The following STXBP5L variants were observed in gnomAD, a reference collection of about 807,000 sequenced individuals.
STXBP5L encodes syntaxin-binding protein 5-like.
STXBP5L carries 65 observed loss-of-function variants against 144.5 expected under a neutral mutation model. The observed-to-expected ratio is 0.45, with a 90% CI of 0.37 to 0.55. The LOEUF is 0.55. Ranked by LOEUF, STXBP5L falls within the 20% of genes least tolerant of loss-of-function variation. The pLI is 0.00. For synonymous variants in STXBP5L, 505 were observed against 469.6 expected (o/e 1.08, Z -0.97); for missense variants, 1,298 against 1,405.5 (o/e 0.92, Z 1.22).
chr3:121,174,009 G>T (rs989509465), intron 9 of STXBP5L, among the ~76,000 whole-genome samples: 6 of 152,116 alleles, frequency 3.9e-5, no homozygotes, highest in African/African-American at 1.4e-4. Context: ...ATATGCTGGA[G>T]AGATGAACTG....
intron 2 of STXBP5L, among the ~76,000 whole-genome samples, chr3:120,911,648 G>A (rs1708846970): frequency 6.6e-6 from 1 of 151,968 alleles, no homozygotes; most frequent in Non-Finnish European, 1.5e-5. Flanking sequence ...ATAGTAGAGC[G>A]AATATAACTA....
rs1275359959 is a variant in STXBP5L, at chr3:121,416,507, ATTAT to A, written c.3226+554_3226+557del. On this transcript the variant is annotated intron_variant, in intron 25 of 26. Coordinates refer to ENST00000471454, the MANE Select transcript of STXBP5L (RefSeq NM_001308330.2). ...TATTTATTTATTTATTTATTTATTT[ATTAT>A]TTATTTATTTATTTGAGACAGAGTC... Among the ~76,000 whole-genome samples, 41 of 129,148 alleles carry A rather than the reference ATTAT, an allele frequency of 3.2e-4. No individual in the cohort carries two copies. The South Asian group carries it at 8.6e-3, about 27-fold the overall frequency. 84.7% of individuals were successfully genotyped at this position (129,148 alleles called of 152,430 possible).
intron 20 of STXBP5L, among the ~76,000 whole-genome samples, chr3:121,347,206 G>A (rs1440807398): frequency 6.6e-6 from 1 of 152,130 alleles, no homozygotes; most frequent in Non-Finnish European, 1.5e-5. Context: ...TTATTAAATA[G>A]GGAATCGTTT....
rs527627011 is a variant in STXBP5L, at chr3:120,997,128, T to A, written c.287+42091T>A. ...CATGTTACTGCAAAGGAAATGATTT[T>A]TTTTATGGCTGCATAATTTTCCATG... is the stretch of plus-strand genomic sequence containing the variant. On this transcript the variant is annotated intron_variant, in intron 3 of 26. Transcript: ENST00000471454. 7.2e-5 allele frequency among the ~76,000 whole-genome samples: 11 copies of A among 152,094 alleles called. No individual in the cohort carries two copies. In the South Asian group the frequency reaches 2.3e-3, roughly 32 times the overall value.
chr3:121,067,229 C>T (rs936353566), intron 5 of STXBP5L, among the ~76,000 whole-genome samples: 2 of 151,788 alleles, frequency 1.3e-5, no homozygotes, highest in Admixed American at 6.6e-5. Context: ...GAGATGGAAC[C>T]TTACATAACT....
At chr3:121,140,024 T>C (rs1424343647) in intron 7 of STXBP5L, among the ~76,000 whole-genome samples, 3 of 152,104 alleles carry the variant, frequency 2.0e-5, no homozygotes, top group Admixed American at 6.6e-5. Context: ...AAGAATGACA[T>C]GAAACACTCA....
intron 20 of STXBP5L, among the ~76,000 whole-genome samples, chr3:121,322,985 G>C (rs1294109068): frequency 2.0e-5 from 3 of 152,042 alleles, no homozygotes; most frequent in Non-Finnish European, 1.5e-5. Context: ...TTGGCTGCTT[G>C]TGTCTTCTTT....
chr3:121,163,385 A>T (rs557381486), intron 9 of STXBP5L, among the ~76,000 whole-genome samples: 1 of 152,102 alleles, frequency 6.6e-6, no homozygotes, highest in Admixed American at 6.5e-5. Flanking sequence ...GAACACATGG[A>T]CACAGGGAAG....
chr3:121,254,012 A>G (rs920659913), intron 15 of STXBP5L, among the ~76,000 whole-genome samples: 1 of 151,884 alleles, frequency 6.6e-6, no homozygotes, highest in African/African-American at 2.4e-5. Flanking sequence ...TAGTCATTGT[A>G]TCTTCTGAGT....
At chr3:121,310,179 A>G (rs965226712) in intron 19 of STXBP5L, among the ~76,000 whole-genome samples, 2 of 152,256 alleles carry the variant, frequency 1.3e-5, no homozygotes, top group African/African-American at 4.8e-5. Context: ...TTAAAGTTCT[A>G]GAAGAAAACA....
chr3:121,360,102 T>C (rs1436574942), intron 20 of STXBP5L, among the ~76,000 whole-genome samples: 1 of 143,976 alleles, frequency 6.9e-6, no homozygotes. Flanking sequence ...ACATATGTAT[T>C]TTAAAATTGT....
At chr3:121,234,946 T>C (rs538104063) in intron 12 of STXBP5L, among the ~76,000 whole-genome samples, 1 of 152,094 alleles carries the variant, frequency 6.6e-6, no homozygotes, top group East Asian at 1.9e-4. Flanking sequence ...CTAACATCTT[T>C]GCAGGCCCAT....
In STXBP5L at chr3:121,115,077, T is replaced by C. The variant is rs752830219; in HGVS notation, c.605+18T>C. ...ATTGAACTGTAAGTTTGAACTTGGA[T>C]ATCACTTTATTGGCTTAAATACTTC... On this transcript the variant is annotated intron_variant, in intron 6 of 26. Transcript: ENST00000471454. 6.9e-6 allele frequency: 11 copies of C among 1,596,504 alleles called. No homozygotes were observed. The highest frequency in any genetic ancestry group is 1.3e-5 in the African/African-American group (1 of 74,184).
intron 19 of STXBP5L, among the ~76,000 whole-genome samples, chr3:121,301,751 A>G (rs1331652860): frequency 6.6e-6 from 1 of 152,174 alleles, no homozygotes; most frequent in Non-Finnish European, 1.5e-5. Context: ...AGTTTTTAGC[A>G]TGAAGCGTTG....
chr3:121,111,101 C>T (rs1292731176), intron 5 of STXBP5L, among the ~76,000 whole-genome samples: 2 of 152,128 alleles, frequency 1.3e-5, no homozygotes, highest in Admixed American at 6.6e-5. Context: ...CATTTATGTT[C>T]CTCTCTAAAC....
intron 21 of STXBP5L, among the ~76,000 whole-genome samples, chr3:121,379,505 A>G (rs942986418): frequency 2.0e-5 from 3 of 152,110 alleles, no homozygotes; most frequent in Non-Finnish European, 4.4e-5. Context: ...AAGAGATAGG[A>G]AAAAAATAAT....
At position 120,937,397 on chromosome 3, in the gene STXBP5L, G is replaced by A. The variant is rs138222999; in HGVS notation, c.190-17543G>A. ...CTCTAACCCTCCCCACTCCACCAGA[G>A]TTTTTAACTCTCAAACTTGTTCACA... On this transcript the variant is annotated intron_variant, in intron 2 of 26. Coordinates refer to ENST00000471454, the MANE Select transcript of STXBP5L (RefSeq NM_001308330.2). Among the ~76,000 whole-genome samples the A allele has an allele frequency of 1.9e-3, 294 of 152,226 alleles. 2 individuals carry two copies. Among genetic ancestry groups the A allele is most frequent in the Middle Eastern group, 6.8e-3 (2 of 294 alleles).
At chr3:121,356,762 T>G (rs1378365656) in intron 20 of STXBP5L, among the ~76,000 whole-genome samples, 5 of 152,196 alleles carry the variant, frequency 3.3e-5, no homozygotes, top group African/African-American at 1.2e-4. Context: ...AAATCACCCA[T>G]CTTCTGTATC....
At chr3:121,045,811 A>T (rs190524679) in intron 5 of STXBP5L, among the ~76,000 whole-genome samples, 29 of 152,240 alleles carry the variant, frequency 1.9e-4, no homozygotes, top group Non-Finnish European at 4.0e-4. Context: ...TCAAAGAGAG[A>T]TAATTTGACT....
Sources: allele counts gnomAD v4.1 joint callset (sites outside exome capture counted in the v4.1 genomes callset), GRCh38; gene constraint gnomAD v4.1.1; transcripts MANE v1.5; gene names NCBI Gene and HGNC (gene_info 2026-07-23, HGNC 2026-07-21).